The following AGTPBP1 variants were observed in gnomAD, a reference collection of about 807,000 sequenced individuals.
AGTPBP1 encodes the protein cytosolic carboxypeptidase 1.
Under a neutral mutation model 143.9 loss-of-function variants are expected in AGTPBP1, and 70 were observed. The ratio of observed to expected loss-of-function variants is 0.49; its 90% CI spans 0.40 to 0.59. AGTPBP1 has a LOEUF of 0.59. Ranked by LOEUF, AGTPBP1 falls within the 20% of genes least tolerant of loss-of-function variation. The probability of loss-of-function intolerance (pLI) is 0.00; values close to 1 mark genes in which losing one functional copy is unlikely to be tolerated. For missense variants in AGTPBP1, 1,229 were observed against 1,464.5 expected, an observed-to-expected ratio of 0.84 and a Z score of 2.62; for synonymous variants, 463 against 500.2, an observed-to-expected ratio of 0.93 and a Z score of 0.99.
chr9:85,638,996 C>A (rs898245883), intron 13 of AGTPBP1, among the ~76,000 whole-genome samples: 7 of 151,988 alleles, frequency 4.6e-5, no homozygotes, highest in Admixed American at 2.0e-4. Flanking sequence ...CTGTGACTAA[C>A]GAATATAGAA....
intron 13 of AGTPBP1, among the ~76,000 whole-genome samples, chr9:85,639,342 TACACACACCCATGCGCGCGCACGCGCAC>T (rs1226692682): frequency 7.1e-6 from 1 of 141,410 alleles, no homozygotes; most frequent in Admixed American, 7.1e-5. Context: ...CATGCATACA[TACACACACCCATGCGCGCGCACGCGCAC>T]ACACACACAC....
chr9:85,701,237 AT>A (rs1176976488), intron 2 of AGTPBP1, among the ~76,000 whole-genome samples: 10 of 131,402 alleles, frequency 7.6e-5, no homozygotes, highest in South Asian at 2.4e-4. Flanking sequence ...TTATTTTTTA[AT>A]TTTTTTTTTG....
chr9:85,643,570 T>C (rs1364926227), intron 12 of AGTPBP1, among the ~76,000 whole-genome samples: 1 of 152,146 alleles, frequency 6.6e-6, no homozygotes, highest in Non-Finnish European at 1.5e-5. Context: ...TAAAGTTCTT[T>C]TAGAAAAACT....
chr9:85,611,866 G>A (rs1015302889), intron 17 of AGTPBP1, among the ~76,000 whole-genome samples: 1 of 152,104 alleles, frequency 6.6e-6, no homozygotes, highest in Non-Finnish European at 1.5e-5. Flanking sequence ...ATTTTTAGTA[G>A]AGATGGGGTT....
At chr9:85,694,857 A>C (rs1564153776) in intron 2 of AGTPBP1, among the ~76,000 whole-genome samples, 1 of 152,170 alleles carries the variant, frequency 6.6e-6, no homozygotes, top group Non-Finnish European at 1.5e-5. Flanking sequence ...CTCTCAACCT[A>C]GTCCTCTTCC....
Position 85,589,611 on chromosome 9 carries a change from T to A in AGTPBP1, c.2639A>T (p.Glu880Val). The change falls in exon 20 of 26, where the codon GAA becomes GTA. Residue 880 changes from glutamate to valine, a missense_variant. Physicochemically the swap from Glu to Val is moderately radical, Grantham distance 121. Coordinates refer to ENST00000357081, the MANE Select transcript of AGTPBP1 (RefSeq NM_001330701.2). Reference sequence around the variant, plus strand: ...GGGGCAGCTGTTTCCAGACAGGGTTTCACATAACACATCTTTCCGAAAATA... The same window carrying A: ...GGGGCAGCTGTTTCCAGACAGGGTTACACATAACACATCTTTCCGAAAATA... Reference protein sequence around the residue: ...QIYFRKDVLCETLSGNSCPLV... With the variant: ...QIYFRKDVLCVTLSGNSCPLV... 1.9e-6 allele frequency: 3 copies of A among 1,613,722 alleles called. No homozygotes were observed. The South Asian group carries it at 3.3e-5, about 18-fold the overall frequency.
At chr9:85,701,647 C>T (rs185739619) in intron 2 of AGTPBP1, among the ~76,000 whole-genome samples, 20 of 152,220 alleles carry the variant, frequency 1.3e-4, no homozygotes, top group Non-Finnish European at 2.2e-4. Flanking sequence ...TGTAAAACAC[C>T]GTAACAGAGA....
At chr9:85,704,684 C>T (rs1184159291) in intron 2 of AGTPBP1, among the ~76,000 whole-genome samples, 1 of 152,144 alleles carries the variant, frequency 6.6e-6, no homozygotes, top group African/African-American at 2.4e-5. Flanking sequence ...ATGTCCAGGA[C>T]AGCAGAAGGT....
At chr9:85,557,696 C>T (rs1303762707) in intron 25 of AGTPBP1, among the ~76,000 whole-genome samples, 1 of 152,188 alleles carries the variant, frequency 6.6e-6, no homozygotes, top group Non-Finnish European at 1.5e-5. Context: ...TTAGACACTA[C>T]TGTTAACATT....
Position 85,592,719 on chromosome 9 carries a change from C to T in AGTPBP1, c.2424-15G>A. Reference sequence around the variant, plus strand: ...AGAAATGATTTCTGCAATAAAAACGCATAAAACATGTTCATTTCATCCACA... The same window carrying T: ...AGAAATGATTTCTGCAATAAAAACGTATAAAACATGTTCATTTCATCCACA... On this transcript the variant is annotated splice_polypyrimidine_tract_variant and intron_variant, in intron 18 of 25. Transcript: ENST00000357081. The T allele has an allele frequency of 1.9e-6, 3 of 1,606,516 alleles. No individual in the cohort carries two copies. Among genetic ancestry groups the T allele is most frequent in the Non-Finnish European group, 2.5e-6 (3 of 1,177,414 alleles).
At chr9:85,586,542 C>G (rs1283285610) in intron 22 of AGTPBP1, among the ~76,000 whole-genome samples, 2 of 152,082 alleles carry the variant, frequency 1.3e-5, no homozygotes, top group Non-Finnish European at 2.9e-5. Context: ...CTAGAGAACT[C>G]AGAAATAAGC....
At chr9:85,792,775 AATAAAT>A in the AGTPBP1 span, among the ~76,000 whole-genome samples, 1 of 152,186 alleles carries the variant, frequency 6.6e-6, no homozygotes, top group African/African-American at 2.4e-5. Flanking sequence ...TGCTTTATCA[AATAAAT>A]GCTTTATCAA....
the AGTPBP1 span, among the ~76,000 whole-genome samples, chr9:85,777,900 G>A: frequency 1.9e-4 from 29 of 152,278 alleles, no homozygotes; most frequent in Middle Eastern, 0.017. Flanking sequence ...CCCTTCACTG[G>A]TATCCTTCAG....
intron 1 of AGTPBP1, among the ~76,000 whole-genome samples, chr9:85,739,509 G>C (rs1824078866): frequency 6.6e-6 from 1 of 152,118 alleles, no homozygotes; most frequent in African/African-American, 2.4e-5. Flanking sequence ...AGGAGTTCAA[G>C]ACGAGCTTGG....
At chr9:85,728,028 TATACACACACACACACAC>T in intron 1 of AGTPBP1, among the ~76,000 whole-genome samples, 1 of 120,824 alleles carries the variant, frequency 8.3e-6, no homozygotes, top group South Asian at 2.8e-4. Flanking sequence ...TATATATTTA[TATACACACACACACACAC>T]ACACACACAC....
intron 1 of AGTPBP1, among the ~76,000 whole-genome samples, chr9:85,715,851 G>A (rs1837671044): frequency 6.6e-6 from 1 of 152,198 alleles, no homozygotes; most frequent in South Asian, 2.1e-4. Context: ...AAGCAAGAGG[G>A]CAGAGGAACT....
At chr9:85,756,091 G>T in the AGTPBP1 span, 2 of 1,556,584 alleles carry the variant, frequency 1.3e-6, no homozygotes, top group South Asian at 1.2e-5. Flanking sequence ...ATAAGCAAAA[G>T]AAATAGTTAG....
At chr9:85,744,833 A>G (rs1324383766), upstream of AGTPBP1, among the ~76,000 whole-genome samples, 1 of 152,244 alleles carries the variant, frequency 6.6e-6, no homozygotes, top group Admixed American at 6.5e-5. Flanking sequence ...TATCTGCCTA[A>G]AGCAAGCTGG....
At chr9:85,580,181 G>A (rs1171243705) in intron 23 of AGTPBP1, among the ~76,000 whole-genome samples, 5 of 150,460 alleles carry the variant, frequency 3.3e-5, no homozygotes, top group Admixed American at 6.6e-5. Flanking sequence ...GAGGTTGCGT[G>A]AGCCGAGATT....
Sources: allele counts gnomAD v4.1 joint callset (sites outside exome capture counted in the v4.1 genomes callset), GRCh38; gene constraint gnomAD v4.1.1; transcripts MANE v1.5; gene names NCBI Gene and HGNC (gene_info 2026-07-23, HGNC 2026-07-21).